The following SRGAP2 variants were observed in gnomAD, a reference collection of about 807,000 sequenced individuals.
The protein encoded by SRGAP2 is SLIT-ROBO Rho GTPase-activating protein 2.
Under a neutral mutation model 57.2 loss-of-function variants are expected in SRGAP2, and 15 were observed. The ratio of observed to expected loss-of-function variants is 0.26; its 90% CI spans 0.18 to 0.40. SRGAP2 has a LOEUF of 0.40. SRGAP2 is among the 10% of genes least tolerant of loss of function. The pLI is 1.00. For missense variants in SRGAP2, 520 were observed against 669.6 expected, an observed-to-expected ratio of 0.78 and a Z score of 2.47; for synonymous variants, 249 against 248.0, an observed-to-expected ratio of 1.00 and a Z score of -0.04.
chr1:206,459,012 A>G (rs1324657323), intron 22 of SRGAP2, 65 bp downstream of exon 22: 1 of 652,644 alleles, frequency 1.5e-6, no homozygotes, highest in Non-Finnish European at 2.8e-6. Context: ...AGTGCCACCC[A>G]CCTAATTATG....
intron 17 of SRGAP2, among the ~76,000 whole-genome samples, chr1:206,444,863 A>G (rs1662615896): frequency 6.6e-6 from 1 of 152,194 alleles, no homozygotes; most frequent in African/African-American, 2.4e-5. Flanking sequence ...GAGAACAGTG[A>G]TTCTCAACTC....
chr1:206,416,788 T>C (rs973754707), intron 11 of SRGAP2, among the ~76,000 whole-genome samples: 7 of 144,284 alleles, frequency 4.9e-5, no homozygotes, highest in African/African-American at 1.5e-4. Context: ...GCCCCACTAA[T>C]CTAATCTCCT....
intron 2 of SRGAP2, among the ~76,000 whole-genome samples, chr1:206,209,294 G>C (rs1206703522): frequency 1.4e-5 from 2 of 147,186 alleles, no homozygotes; most frequent in Non-Finnish European, 3.0e-5. Flanking sequence ...ACTGTGGTTC[G>C]GCCTGTCTTT....
At chr1:206,436,156 TTCCAA>T (rs1373446102) in intron 14 of SRGAP2, among the ~76,000 whole-genome samples, 38 of 152,152 alleles carry the variant, frequency 2.5e-4, no homozygotes, top group African/African-American at 8.7e-4. Flanking sequence ...ACAATTTTTC[TTCCAA>T]TGTGGTCCAG....
intron 11 of SRGAP2, among the ~76,000 whole-genome samples, chr1:206,416,820 G>A (rs1553362163): frequency 6.6e-6 from 1 of 152,002 alleles, no homozygotes. Context: ...AGGAGGGAGT[G>A]GAAGGGAGAA....
chr1:206,306,270 A>T (rs1672190323), intron 3 of SRGAP2, among the ~76,000 whole-genome samples: 1 of 151,292 alleles, frequency 6.6e-6, no homozygotes, highest in Non-Finnish European at 1.5e-5. Flanking sequence ...TGATGTTCAG[A>T]TGTGTTCGGA....
intron 18 of SRGAP2, among the ~76,000 whole-genome samples, chr1:206,449,377 G>C (rs782236276): frequency 7.0e-6 from 1 of 143,032 alleles, no homozygotes; most frequent in African/African-American, 2.6e-5. Context: ...CTGCAGCCTC[G>C]ACTTCCCAGG....
intron 2 of SRGAP2, among the ~76,000 whole-genome samples, chr1:206,232,312 A>G (rs1667693469): frequency 6.6e-6 from 1 of 151,918 alleles, no homozygotes; most frequent in Non-Finnish European, 1.5e-5. Context: ...CGTCAATTAA[A>G]TAAAACAGAA....
At chr1:206,325,404 C>T (rs1281591736) in intron 3 of SRGAP2, among the ~76,000 whole-genome samples, 11 of 151,356 alleles carry the variant, frequency 7.3e-5, no homozygotes, top group African/African-American at 1.5e-4. Context: ...AGTGTAATGG[C>T]GCCATCTTGG....
At chr1:206,373,982 G>A (rs1654965963) in intron 4 of SRGAP2, among the ~76,000 whole-genome samples, 1 of 150,272 alleles carries the variant, frequency 6.7e-6, no homozygotes, top group African/African-American at 2.5e-5. Flanking sequence ...TGACATATAT[G>A]GATACTGCGC....
At chr1:206,381,254 A>G (rs1240123119) in intron 4 of SRGAP2, among the ~76,000 whole-genome samples, 4 of 151,826 alleles carry the variant, frequency 2.6e-5, no homozygotes, top group South Asian at 2.1e-4. Context: ...TATTTAAGTC[A>G]TGGGTAAGCA....
intron 3 of SRGAP2, among the ~76,000 whole-genome samples, chr1:206,340,035 C>T (rs1251496593): frequency 6.7e-6 from 1 of 150,268 alleles, no homozygotes; most frequent in Non-Finnish European, 1.5e-5. Context: ...AGTGATCCAC[C>T]TGCCTTGGCC....
At chr1:206,457,271 A>G (rs1663918245) in intron 21 of SRGAP2, among the ~76,000 whole-genome samples, 1 of 152,160 alleles carries the variant, frequency 6.6e-6, no homozygotes. Context: ...TTTATTAAGT[A>G]TCTACTGTTG....
rs1317702900 is a variant in SRGAP2 at position 206,244,304 on chromosome 1, C to G, written c.67+38267C>G. ...TTTTTTTTTTTAAGGCAGAGTCATG[C>G]TCCGTCACCCAGGCTGGAGTGTGAT... On this transcript the variant is annotated intron_variant, in intron 2 of 22. Transcript: ENST00000573034. 3.2e-5 allele frequency among the ~76,000 whole-genome samples: 3 copies of G among 94,650 alleles called. 1 individual carries two copies. Among genetic ancestry groups the G allele is most frequent in the Non-Finnish European group, 6.3e-5 (3 of 47,574 alleles). 62.1% of individuals were successfully genotyped at this position (94,650 alleles called of 152,430 possible).
chr1:206,423,547 C>T (rs966303366), intron 13 of SRGAP2, among the ~76,000 whole-genome samples: 77 of 152,152 alleles, frequency 5.1e-4, no homozygotes, highest in Admixed American at 1.7e-3. Context: ...TGTTTGTGTT[C>T]GGGGGGACTC....
chr1:206,313,694 T>C (rs1672841147), intron 3 of SRGAP2, among the ~76,000 whole-genome samples: 1 of 152,208 alleles, frequency 6.6e-6, no homozygotes, highest in South Asian at 2.1e-4. Flanking sequence ...GTATGAACTC[T>C]GATTAAGGAA....
At chr1:206,284,171 CT>C (rs1176455088) in intron 2 of SRGAP2, among the ~76,000 whole-genome samples, 4 of 147,022 alleles carry the variant, frequency 2.7e-5, no homozygotes, top group African/African-American at 9.9e-5. Flanking sequence ...AGAGTTTCAA[CT>C]GCATATCTAC....
chr1:206,366,354 A>C (rs1175420028), intron 4 of SRGAP2, among the ~76,000 whole-genome samples: 3 of 152,226 alleles, frequency 2.0e-5, no homozygotes, highest in African/African-American at 7.2e-5. Context: ...AATTAGTGTC[A>C]AGGGGGGTGG....
intron 4 of SRGAP2, among the ~76,000 whole-genome samples, chr1:206,361,301 G>A (rs562780227): frequency 8.4e-4 from 124 of 148,128 alleles, no homozygotes; most frequent in African/African-American, 3.0e-3. Context: ...TAAGGAGAAG[G>A]AATATAACAG....
Sources: gnomAD v4.1 joint callset for allele counts (sites outside exome capture counted in the v4.1 genomes callset) on GRCh38, gnomAD v4.1.1 for gene constraint, MANE v1.5 for transcripts, NCBI Gene and HGNC (gene_info 2026-07-23, HGNC 2026-07-21) for gene names.